EBF3: variants seen among roughly 807,000 people sequenced by gnomAD.
EBF3 encodes the protein EBF transcription factor 3, also known as transcription factor COE3.
A neutral mutation model predicts 77.1 loss-of-function variants in EBF3; 18 were observed. That is an observed-to-expected ratio of 0.23 (90% confidence interval 0.16 to 0.35). The LOEUF (loss-of-function observed/expected upper bound fraction) is 0.35, where lower values mean the gene tolerates loss of function less well. EBF3 is among the 10% of genes least tolerant of loss of function. The pLI is 1.00. For synonymous variants in EBF3, 350 were observed against 343.5 expected (o/e 1.02, Z -0.21); for missense variants, 558 against 860.0 (o/e 0.65, Z 4.39).
intron 10 of EBF3, among the ~76,000 whole-genome samples, chr10:129,860,265 C>T (rs368396789): frequency 1.8e-4 from 27 of 152,070 alleles, no homozygotes; most frequent in African/African-American, 6.3e-4. Flanking sequence ...CCTGCAGCAC[C>T]GAGAAGGACC....
chr10:129,855,622 AGC>A (rs1260989676), intron 10 of EBF3, among the ~76,000 whole-genome samples: 1 of 152,124 alleles, frequency 6.6e-6, no homozygotes, highest in Non-Finnish European at 1.5e-5. Context: ...ATAACCCTCA[AGC>A]TCCCCAAGAA....
intron 11 of EBF3, among the ~76,000 whole-genome samples, chr10:129,847,112 G>C (rs1240361791): frequency 1.3e-5 from 2 of 152,160 alleles, no homozygotes; most frequent in African/African-American, 2.4e-5. Context: ...GTGCTGTGGG[G>C]TTCTGCAGGG....
chr10:129,924,043 C>T (rs1482529455), intron 6 of EBF3, among the ~76,000 whole-genome samples: 2 of 152,180 alleles, frequency 1.3e-5, no homozygotes, highest in African/African-American at 4.8e-5. Context: ...AGATGCTCAG[C>T]CCCTCTCAAA....
chr10:129,860,029 T>C (rs1387636540), intron 10 of EBF3, among the ~76,000 whole-genome samples: 3 of 151,736 alleles, frequency 2.0e-5, no homozygotes, highest in Non-Finnish European at 2.9e-5. Flanking sequence ...CCTGTGGGAG[T>C]TGTGGCTGGA....
At chr10:129,949,397 G>A (rs760072567) in intron 6 of EBF3, among the ~76,000 whole-genome samples, 2 of 152,224 alleles carry the variant, frequency 1.3e-5, no homozygotes, top group Non-Finnish European at 2.9e-5. Flanking sequence ...CAGCATCCCA[G>A]GCTCCAGTGC....
intron 4 of EBF3, among the ~76,000 whole-genome samples, chr10:129,959,531 G>A (rs887359331): frequency 1.3e-5 from 2 of 151,932 alleles, no homozygotes; most frequent in Admixed American, 6.5e-5. Context: ...GCCAAGGGCC[G>A]AGGGCCGCGC....
chr10:129,935,166 C>T lies in EBF3; in HGVS notation c.554+22092G>A, dbSNP rs1432219562. On this transcript the variant is annotated intron_variant, in intron 6 of 16. Coordinates refer to ENST00000440978, the MANE Select transcript of EBF3 (RefSeq NM_001375380.1). The surrounding 1 kb of genome is among the most constrained non-coding windows in gnomAD (Gnocchi z 4.2). The stretch of plus-strand genomic sequence containing the variant: ...TGGATGCATTTTCCTGTCTCCACTC[C>T]AGCCAAATGTAGCCACATTGTGAGC... Among the ~76,000 whole-genome samples the T allele has an allele frequency of 6.6e-6, 1 of 152,166 alleles. No homozygotes were observed. The highest frequency in any genetic ancestry group is 6.5e-5 in the Admixed American group (1 of 15,274).
At position 129,867,143 on chromosome 10, in the gene EBF3, G is replaced by A; in HGVS notation, c.1037C>T (p.Thr346Ile). The change falls in exon 10 of 17, where the codon ACC (threonine) becomes ATC (isoleucine). Residue 346 changes from threonine (T) to isoleucine (I), a missense_variant and splice_region_variant. By Grantham distance (89) the Thr-to-Ile change is moderately conservative. Around this residue, in one of 5 missense-constraint regions of EBF3, gnomAD observed 112 missense variants for 207.7 expected, o/e 0.54. Transcript: ENST00000440978. ...CKGAPGRFVY[T>I]ALNEPTIDYG... ...AGAAGCTGGAGCTGTGAACTCACCG[G>A]TGTAGACAAAGCGCCCAGGAGCACC... The A allele has an allele frequency of 6.2e-7, 1 of 1,613,660 alleles. No homozygotes were observed. The highest frequency in any genetic ancestry group is 8.5e-7 in the Non-Finnish European group (1 of 1,179,842).
rs1184373134 is a variant in EBF3, at chr10:129,842,404, A to G, written c.1195-111T>C. 4.8e-6 allele frequency: 6 copies of G among 1,259,388 alleles called. No individual in the cohort carries two copies. Among genetic ancestry groups the G allele is most frequent in the Non-Finnish European group, 4.3e-6 (4 of 927,754 alleles). 78.0% of individuals were successfully genotyped at this position (1,259,388 alleles called of 1,614,324 possible). Reference sequence around the variant, plus strand: ...CCCACTGTCCCTTGCCCAGACCATGACCAAATCTATTTCTTAATGGGCAAA... The same window carrying G: ...CCCACTGTCCCTTGCCCAGACCATGGCCAAATCTATTTCTTAATGGGCAAA... On this transcript the variant is annotated intron_variant, in intron 12 of 16. Coordinates refer to ENST00000440978, the MANE Select transcript of EBF3 (RefSeq NM_001375380.1). The surrounding 1 kb of genome is among the most constrained non-coding windows in gnomAD (Gnocchi z 4.4).
Position 129,935,830 on chromosome 10 carries a change from G to A in EBF3, c.554+21428C>T, listed in dbSNP as rs970025081. ...CCAAGGGCATAGAATGTGGGCTGGG[G>A]ACAGGAGAGGCCAAGACACCAAGAG... On this transcript the variant is annotated intron_variant, in intron 6 of 16. Transcript: ENST00000440978. The surrounding 1 kb of genome is among the most constrained non-coding windows in gnomAD (Gnocchi z 4.2). 1.3e-5 allele frequency among the ~76,000 whole-genome samples: 2 copies of A among 152,212 alleles called. No homozygotes were observed. Among genetic ancestry groups the A allele is most frequent in the African/African-American group, 4.8e-5 (2 of 41,466 alleles).
chr10:129,963,568 G>T lies in EBF3; in HGVS notation c.135-45C>A. On this transcript the variant is annotated intron_variant, in intron 1 of 16. Coordinates refer to ENST00000440978, the MANE Select transcript of EBF3 (RefSeq NM_001375380.1). This position sits in a 1 kb window ranked among gnomAD's most constrained non-coding sequence, Gnocchi z 7.1. ...GCGGCCCGGTGAGGAGCGCGGCGCC[G>T]GCCGGCGGAGGGGGCCGGGCCGGGC... 2 of 1,294,636 alleles carry T rather than the reference G, an allele frequency of 1.5e-6. No homozygotes were observed. The highest frequency in any genetic ancestry group is 2.0e-6 in the Non-Finnish European group (2 of 1,013,870). The allele number at this position is 1,294,636 out of a possible 1,614,324, so 80.2% of individuals were successfully genotyped here.
chr10:129,883,223 G>A (rs1345557448), intron 6 of EBF3, among the ~76,000 whole-genome samples: 1 of 152,122 alleles, frequency 6.6e-6, no homozygotes, highest in East Asian at 1.9e-4. Flanking sequence ...CTGGCCCCCT[G>A]AAAAGACGCC....
chr10:129,960,025 G>A (rs1304974157), intron 4 of EBF3, among the ~76,000 whole-genome samples: 2 of 152,026 alleles, frequency 1.3e-5, no homozygotes, highest in Admixed American at 1.3e-4. Flanking sequence ...CGCTCAGCCC[G>A]GCTCCGCCGC....
Position 129,842,138 on chromosome 10 carries a change from C to T in EBF3, c.1350G>A (p.Glu450=). 1.2e-6 allele frequency: 2 copies of T among 1,614,254 alleles called. No individual in the cohort carries two copies. Among genetic ancestry groups the T allele is most frequent in the Non-Finnish European group, 1.7e-6 (2 of 1,180,046 alleles). Residue 450 remains glutamate (E), a synonymous_variant, in exon 13 of 17, where the codon GAG becomes GAA. Coordinates refer to ENST00000440978, the MANE Select transcript of EBF3 (RefSeq NM_001375380.1). The surrounding 1 kb of genome is among the most constrained non-coding windows in gnomAD (Gnocchi z 4.4). ...TACCTTGGTCGTTGGCTTGTGACGT[C>T]TCTGACACGTTGACGGCTAGCTGGC... ...FSSQLAVNVS[E]TSQANDQVGY...
chr10:129,856,474 A>G (rs1037846662), intron 10 of EBF3, among the ~76,000 whole-genome samples: 5 of 152,220 alleles, frequency 3.3e-5, no homozygotes, highest in African/African-American at 1.2e-4. Context: ...GAAGCCAGAC[A>G]CAAAGAACTA....
rs1241801118 is a variant in EBF3 at position 129,885,805 on chromosome 10, A to AC, written c.555-7957dup. On this transcript the variant is annotated intron_variant, in intron 6 of 16. Coordinates refer to ENST00000440978, the MANE Select transcript of EBF3 (RefSeq NM_001375380.1). The surrounding 1 kb of genome is among the most constrained non-coding windows in gnomAD (Gnocchi z 4.0). ...GCATCACTTGGCTCACAACAGACGC[A>AC]CCCCCCTGACTTGTTGCCAGCTCCA... 1.3e-5 allele frequency among the ~76,000 whole-genome samples: 2 copies of AC among 151,874 alleles called. No individual in the cohort carries two copies. Among genetic ancestry groups the AC allele is most frequent in the African/African-American group, 4.8e-5 (2 of 41,326 alleles).
intron 6 of EBF3, among the ~76,000 whole-genome samples, chr10:129,924,013 C>T (rs372357882): frequency 6.6e-6 from 1 of 152,074 alleles, no homozygotes; most frequent in Non-Finnish European, 1.5e-5. Context: ...TACAAATGGC[C>T]GATGTATGTC....
chr10:129,909,792 C>T (rs1278577072), intron 6 of EBF3, among the ~76,000 whole-genome samples: 1 of 152,232 alleles, frequency 6.6e-6, no homozygotes, highest in Non-Finnish European at 1.5e-5. Flanking sequence ...AACAGCAGCG[C>T]CCACCCCTGG....
intron 10 of EBF3, among the ~76,000 whole-genome samples, chr10:129,853,832 G>A (rs915688307): frequency 6.6e-6 from 1 of 152,180 alleles, no homozygotes; most frequent in African/African-American, 2.4e-5. Flanking sequence ...AATCCAAGGG[G>A]GAAAAATGCC....
Sources: allele counts gnomAD v4.1 joint callset (sites outside exome capture counted in the v4.1 genomes callset), GRCh38; gene constraint gnomAD v4.1.1; regional missense constraint gnomAD v4.1.1; non-coding constraint Gnocchi (gnomAD v3.1); transcripts MANE v1.5; gene names NCBI Gene and HGNC (gene_info 2026-07-23, HGNC 2026-07-21).